The following FAM168B variants were observed in gnomAD, a reference collection of about 807,000 sequenced individuals.
FAM168B encodes the protein family with sequence similarity 168 member B.
A neutral mutation model predicts 21.8 loss-of-function variants in FAM168B; 19 were observed. The observed-to-expected ratio is 0.87, with a 90% CI of 0.61 to 1.28. The LOEUF is 1.28. FAM168B is among the 50% of genes most tolerant of loss of function. The pLI is 0.00. For missense variants in FAM168B, 233 were observed against 263.1 expected (o/e 0.89, Z 0.79); for synonymous variants, 126 against 104.8 (o/e 1.20, Z -1.24).
chr2:131,088,421 A>G (rs1693829627), intron 1 of FAM168B, among the ~76,000 whole-genome samples: 1 of 150,422 alleles, frequency 6.6e-6, no homozygotes. Context: ...TGGGGGGAAA[A>G]GGGGGCGGGA....
intron 3 of FAM168B, among the ~76,000 whole-genome samples, chr2:131,071,215 G>A (rs1396543488): frequency 2.0e-5 from 3 of 152,192 alleles, no homozygotes; most frequent in Non-Finnish European, 4.4e-5. Flanking sequence ...TGCCCCAGCA[G>A]TCCCAGGATT....
At chr2:131,085,382 G>A (rs542394984) in intron 1 of FAM168B, among the ~76,000 whole-genome samples, 44 of 152,100 alleles carry the variant, frequency 2.9e-4, no homozygotes, top group African/African-American at 8.9e-4. Context: ...GCAGGGAACA[G>A]TTGCACTTGG....
chr2:131,085,767 C>A (rs1358688565), intron 1 of FAM168B, among the ~76,000 whole-genome samples: 1 of 152,206 alleles, frequency 6.6e-6, no homozygotes, highest in Non-Finnish European at 1.5e-5. Context: ...ATGCCATTCA[C>A]AACTACAGCT....
chr2:131,064,309 T>C (rs1692449043), intron 3 of FAM168B, among the ~76,000 whole-genome samples: 1 of 152,154 alleles, frequency 6.6e-6, no homozygotes, highest in Non-Finnish European at 1.5e-5. Flanking sequence ...AAGACATTTA[T>C]TTAGAAAATT....
In FAM168B at chr2:131,051,200, G is replaced by A. The variant is rs1440041269; in HGVS notation, c.*1265C>T. 2.3e-5 allele frequency: 23 copies of A among 985,034 alleles called. No homozygotes were observed. The highest frequency in any genetic ancestry group is 1.1e-4 in the East Asian group (1 of 8,808). 61.0% of individuals were successfully genotyped at this position (985,034 alleles called of 1,614,324 possible). Reference sequence around the variant, plus strand: ...GACAACAGACACTGGCCTCCCCCTCGCCCCATCTCTAAGCGTCCCCTCCAG... The same window carrying A: ...GACAACAGACACTGGCCTCCCCCTCACCCCATCTCTAAGCGTCCCCTCCAG... On this transcript the variant is annotated 3_prime_UTR_variant, in exon 7 of 7. Transcript: ENST00000389915.
intron 2 of FAM168B, among the ~76,000 whole-genome samples, chr2:131,075,219 T>C (rs1476293575): frequency 6.6e-6 from 1 of 151,156 alleles, no homozygotes; most frequent in Non-Finnish European, 1.5e-5. Context: ...GGTCTGGAAC[T>C]GCCCTCAGAG....
chr2:131,055,332 G>C lies in FAM168B; in HGVS notation c.415C>G (p.Pro139Ala). Residue 139 changes from proline to alanine, a missense_variant, in exon 5 of 7, where the codon CCT becomes GCT. Pro to Ala is a conservative substitution (Grantham distance 27). Transcript: ENST00000389915. ...CCCATGGTGACCCCGTTGCCTCTAG[G>C]AGGGGGGATGGGAGCAGGGTACACC... ...ATVYPAPIPP[P>A]RGNGVTMGMV... 1 of 1,585,798 alleles carries C rather than the reference G, an allele frequency of 6.3e-7. No homozygotes were observed. The highest frequency in any genetic ancestry group is 2.0e-5 in the Admixed American group (1 of 50,298).
chr2:131,067,509 G>C (rs1692625245), intron 3 of FAM168B, among the ~76,000 whole-genome samples: 1 of 152,202 alleles, frequency 6.6e-6, no homozygotes, highest in South Asian at 2.1e-4. Context: ...GAGAGGTCAA[G>C]ATGAGAGGAC....
chr2:131,064,803 A>G (rs374610601), intron 3 of FAM168B, among the ~76,000 whole-genome samples: 9 of 152,126 alleles, frequency 5.9e-5, no homozygotes, highest in East Asian at 1.9e-4. Flanking sequence ...CAGTCCAGAT[A>G]AGAGAGAGGA....
At chr2:131,092,897 C>T (rs970235385) in intron 1 of FAM168B, among the ~76,000 whole-genome samples, 11 of 152,264 alleles carry the variant, frequency 7.2e-5, no homozygotes, top group Middle Eastern at 3.4e-3. Context: ...AAAGCTCTGC[C>T]CCCGGGTTTC....
rs777001725 is a variant in FAM168B, at chr2:131,055,441, C to G, written c.306G>C (p.Thr102=). ...PQQSPYAQQG[T]YYTQPLYAAP... Reference sequence around the variant, plus strand: ...CTGCATACAGCGGCTGTGTGTAGTACGTGCCTTGCTGTGGGGAGAAGAGAG... The same window carrying G: ...CTGCATACAGCGGCTGTGTGTAGTAGGTGCCTTGCTGTGGGGAGAAGAGAG... Residue 102 remains threonine, a synonymous_variant, in exon 5 of 7, where the codon ACG becomes ACC. Transcript: ENST00000389915. 62 of 1,608,778 alleles carry G rather than the reference C, an allele frequency of 3.9e-5. No homozygotes were observed. The highest frequency in any genetic ancestry group is 5.0e-5 in the Non-Finnish European group (59 of 1,178,496).
At chr2:131,069,591 T>G (rs1432280534) in intron 3 of FAM168B, among the ~76,000 whole-genome samples, 1 of 151,976 alleles carries the variant, frequency 6.6e-6, no homozygotes, top group Non-Finnish European at 1.5e-5. Flanking sequence ...CCTTCCAGGT[T>G]CTGGCCATTC....
rs1692488016 is a variant in FAM168B at position 131,065,079 on chromosome 2, G to A, written c.154+6776C>T. Among the ~76,000 whole-genome samples, 3 of 152,212 alleles carry A rather than the reference G, an allele frequency of 2.0e-5. No homozygotes were observed. In the South Asian group the frequency reaches 6.2e-4, roughly 32 times the overall value. ...CTGATGCGGCCACAATAATAGAACT[G>A]TGAAGGAAGGTCGGGGCAGCAAAGT... On this transcript the variant is annotated intron_variant, in intron 3 of 6. Coordinates refer to ENST00000389915, the MANE Select transcript of FAM168B (RefSeq NM_001009993.4).
At chr2:131,080,836 A>C (rs991027518) in intron 2 of FAM168B, among the ~76,000 whole-genome samples, 1 of 149,622 alleles carries the variant, frequency 6.7e-6, no homozygotes, top group African/African-American at 2.5e-5. Context: ...TGCCTGGCTA[A>C]TTTTTTTTTG....
intron 2 of FAM168B, among the ~76,000 whole-genome samples, chr2:131,074,025 C>A (rs1194943164): frequency 2.6e-5 from 4 of 152,196 alleles, no homozygotes; most frequent in Non-Finnish European, 5.9e-5. Context: ...ACAGAGGGGG[C>A]CTCAGGCATC....
chr2:131,073,353 A>G (rs940140756), intron 2 of FAM168B, among the ~76,000 whole-genome samples: 12 of 152,154 alleles, frequency 7.9e-5, no homozygotes, highest in African/African-American at 2.7e-4. Context: ...TCGGCCTCCC[A>G]AAGTGCGGGT....
At chr2:131,059,112 C>T (rs1692171176) in intron 3 of FAM168B, among the ~76,000 whole-genome samples, 2 of 152,172 alleles carry the variant, frequency 1.3e-5, no homozygotes, top group African/African-American at 4.8e-5. Context: ...ATTGTACCAA[C>T]ACAGAGAGGC....
chr2:131,073,370 G>A (rs772185863), intron 2 of FAM168B, among the ~76,000 whole-genome samples: 25 of 152,122 alleles, frequency 1.6e-4, no homozygotes, highest in Admixed American at 5.2e-4. Flanking sequence ...GGGTATTACC[G>A]GCATGAGTTA....
chr2:131,056,487 A>T (rs1325269406), intron 3 of FAM168B, among the ~76,000 whole-genome samples: 1 of 152,056 alleles, frequency 6.6e-6, no homozygotes, highest in Non-Finnish European at 1.5e-5. Context: ...CTGGCCACCA[A>T]CCCGTCTCCA....
Sources: allele counts gnomAD v4.1 joint callset (sites outside exome capture counted in the v4.1 genomes callset), GRCh38; gene constraint gnomAD v4.1.1; transcripts MANE v1.5; gene names NCBI Gene and HGNC (gene_info 2026-07-23, HGNC 2026-07-21).